The following MYCBP2 variants were observed in gnomAD, a reference collection of about 807,000 sequenced individuals.
The protein encoded by MYCBP2 is E3 ubiquitin-protein ligase MYCBP2.
In MYCBP2, 120 loss-of-function variants were observed where a neutral mutation model predicts 525.3. That is an observed-to-expected ratio of 0.23 (90% CI 0.20 to 0.27). The LOEUF is 0.27. MYCBP2 is among the 10% of genes least tolerant of loss of function. The pLI is 1.00. For missense variants in MYCBP2, 4,149 were observed against 5,657.1 expected, an observed-to-expected ratio of 0.73 and a Z score of 8.55; for synonymous variants, 1,894 against 1,955.8, an observed-to-expected ratio of 0.97 and a Z score of 0.83.
chr13:77,060,948 G>A (rs956879647), intron 76 of MYCBP2, among the ~76,000 whole-genome samples: 4 of 152,058 alleles, frequency 2.6e-5, no homozygotes, highest in Non-Finnish European at 5.9e-5. Flanking sequence ...TGACTTGCTC[G>A]ACACCACACA....
chr13:77,110,697 G>A (rs1161312916), intron 55 of MYCBP2, among the ~76,000 whole-genome samples: 1 of 152,186 alleles, frequency 6.6e-6, no homozygotes, highest in African/African-American at 2.4e-5. Flanking sequence ...CAGAGGCCCA[G>A]CTGTAAAATT....
At chr13:77,191,856 CTCTGTCACAT>C in intron 27 of MYCBP2, 43 bp from the exon 28 acceptor site, 1 of 1,585,406 alleles carries the variant, frequency 6.3e-7, no homozygotes, top group South Asian at 1.1e-5. Flanking sequence ...TTTCTTACTT[CTCTGTCACAT>C]ATATTTATTT....
intron 75 of MYCBP2, 36 bp downstream of exon 75, chr13:77,061,626 G>T (rs1489341587): frequency 3.8e-6 from 6 of 1,597,302 alleles, no homozygotes; most frequent in South Asian, 1.1e-5. Context: ...AAAATTCACT[G>T]AACATATTTT....
intron 2 of MYCBP2, among the ~76,000 whole-genome samples, chr13:77,290,105 A>C (rs1355889885): frequency 6.6e-6 from 1 of 152,206 alleles, no homozygotes; most frequent in Non-Finnish European, 1.5e-5. Flanking sequence ...ATTTACACAA[A>C]GGGTGAATAA....
In MYCBP2 at chr13:77,200,589, G is replaced by T. The variant is rs542558300; in HGVS notation, c.3843+4667C>A. On this transcript the variant is annotated intron_variant, in intron 26 of 82. Coordinates refer to ENST00000544440, the MANE Select transcript of MYCBP2 (RefSeq NM_015057.5). Reference sequence around the variant, plus strand: ...AAGAGCAACTCCAAGGCACATAATTGTCAGATTTACCAAAGTTGAAATGAA... The same window carrying T: ...AAGAGCAACTCCAAGGCACATAATTTTCAGATTTACCAAAGTTGAAATGAA... Among the ~76,000 whole-genome samples the T allele has an allele frequency of 1.5e-3, 224 of 152,276 alleles. 1 individual carries two copies. Among genetic ancestry groups the T allele is most frequent in the African/African-American group, 5.2e-3 (215 of 41,546 alleles).
Position 77,098,956 on chromosome 13 carries a change from T to C in MYCBP2, c.8198A>G (p.Glu2733Gly). ...CGATCTGCTGTGTTTAGAGGACAGC[T>C]CTGATTTTCCTGATGTAGAGGCTGG... is the stretch of plus-strand genomic sequence containing the variant. Reference protein sequence around the residue: ...SKPASTSGKSELSSKHSRSLK... With the variant: ...SKPASTSGKSGLSSKHSRSLK... Residue 2733 changes from glutamate (E) to glycine (G), a missense_variant, in exon 56 of 83, where the codon GAG becomes GGG. By Grantham distance (98) the Glu-to-Gly change is moderately conservative. Around this residue, in one of 21 missense-constraint regions of MYCBP2, gnomAD observed 653 missense variants for 744.7 expected, o/e 0.88. Transcript: ENST00000544440. 6.2e-7 allele frequency: 1 copy of C among 1,612,752 alleles called. No homozygotes were observed. The highest frequency in any genetic ancestry group is 8.5e-7 in the Non-Finnish European group (1 of 1,179,678).
chr13:77,217,480 T>C (rs2064987022), intron 21 of MYCBP2, among the ~76,000 whole-genome samples: 1 of 152,156 alleles, frequency 6.6e-6, no homozygotes, highest in African/African-American at 2.4e-5. Flanking sequence ...GGTTACAAAA[T>C]AGCATAGTTC....
chr13:77,171,079 T>A (rs893941200), intron 38 of MYCBP2, among the ~76,000 whole-genome samples: 1 of 152,024 alleles, frequency 6.6e-6, no homozygotes, highest in African/African-American at 2.4e-5. Context: ...GAGATTCCAA[T>A]GGAAAAACTC....
rs1361431876 is a variant in MYCBP2, at chr13:77,067,801, C to T, written c.12235G>A (p.Gly4079Arg). The T allele has an allele frequency of 6.2e-7, 1 of 1,613,962 alleles. No homozygotes were observed. The highest frequency in any genetic ancestry group is 1.3e-5 in the African/African-American group (1 of 74,888). ...TCTGCTGGGGGGAGGGATTTCACTCCTATGATGCTGGCCAGACGACTAGGG... is the reference window on the plus strand; with the variant it reads ...TCTGCTGGGGGGAGGGATTTCACTCTTATGATGCTGGCCAGACGACTAGGG... ...VTPSRLASIIGVKSLPPADIS... is the reference protein window; with the variant it reads ...VTPSRLASIIRVKSLPPADIS... The change falls in exon 71 of 83, where the codon GGA becomes AGA. Residue 4079 changes from glycine (G) to arginine (R), a missense_variant. Coordinates refer to ENST00000544440, the MANE Select transcript of MYCBP2 (RefSeq NM_015057.5).
chr13:77,326,861 G>C lies in MYCBP2; in HGVS notation c.-86C>G. The C allele has an allele frequency of 7.9e-7, 1 of 1,272,610 alleles. No homozygotes were observed. The highest frequency in any genetic ancestry group is 1.0e-6 in the Non-Finnish European group (1 of 996,382). 78.8% of individuals were successfully genotyped at this position (1,272,610 alleles called of 1,614,324 possible). ...CGCGCACACACAGCCCTTTTCCAAC[G>C]ACGACGGCTCCGGCGGCGGCCTCTG... On this transcript the variant is annotated 5_prime_UTR_variant, in exon 1 of 83. Coordinates refer to ENST00000544440, the MANE Select transcript of MYCBP2 (RefSeq NM_015057.5). This position sits in a 1 kb window ranked among gnomAD's most constrained non-coding sequence, Gnocchi z 4.2.
At position 77,174,499 on chromosome 13, in the gene MYCBP2, A is replaced by G. The variant is rs753321599; in HGVS notation, c.5473-10T>C. ...CATATTTAACATTTTCCTTCATTAT[A>G]AAGATGTAAAACATCTTTTATTCAC... On this transcript the variant is annotated splice_polypyrimidine_tract_variant and intron_variant, in intron 36 of 82. Transcript: ENST00000544440. The G allele has an allele frequency of 6.2e-7, 1 of 1,609,938 alleles. No individual in the cohort carries two copies. Among genetic ancestry groups the G allele is most frequent in the Non-Finnish European group, 8.5e-7 (1 of 1,176,522 alleles).
At chr13:77,267,591 G>A (rs560787193) in intron 8 of MYCBP2, among the ~76,000 whole-genome samples, 11 of 152,202 alleles carry the variant, frequency 7.2e-5, no homozygotes, top group African/African-American at 2.6e-4. Flanking sequence ...GTGGTGGGGT[G>A]AGGTCAGAGA....
chr13:77,121,133 G>GA, intron 55 of MYCBP2: 12 of 260,416 alleles, frequency 4.6e-5, no homozygotes, highest in Non-Finnish European at 5.7e-5. Context: ...TTTTTAAATA[G>GA]AAAAAAAATA....
intron 55 of MYCBP2, chr13:77,099,269 A>G: frequency 4.2e-6 from 2 of 473,310 alleles, no homozygotes; most frequent in Non-Finnish European, 7.5e-6. Context: ...AGTGTGAACT[A>G]TCAGTGATAT....
chr13:77,251,074 G>T, intron 15 of MYCBP2, 77 bp downstream of exon 15: 1 of 1,339,828 alleles, frequency 7.5e-7, no homozygotes, highest in South Asian at 1.3e-5. Flanking sequence ...AATATTAATA[G>T]TAGAGTATAC....
At chr13:77,195,600 A>AT (rs2061685381) in intron 26 of MYCBP2, among the ~76,000 whole-genome samples, 1 of 151,828 alleles carries the variant, frequency 6.6e-6, no homozygotes, top group South Asian at 2.1e-4. Context: ...TTAAAAAAAA[A>AT]TAGTCCGAAA....
chr13:77,148,033 A>G (rs185513559), intron 47 of MYCBP2, among the ~76,000 whole-genome samples: 238 of 152,250 alleles, frequency 1.6e-3, no homozygotes, highest in African/African-American at 5.4e-3. Context: ...AAGCATGTTC[A>G]TAGGAAACTA....
intron 15 of MYCBP2, among the ~76,000 whole-genome samples, chr13:77,248,512 A>G (rs2070483781): frequency 6.6e-6 from 1 of 152,224 alleles, no homozygotes; most frequent in Non-Finnish European, 1.5e-5. Context: ...AAGTATATGG[A>G]AAGATGCTGA....
chr13:77,210,492 C>T (rs1335785421), intron 23 of MYCBP2, among the ~76,000 whole-genome samples: 1 of 152,134 alleles, frequency 6.6e-6, no homozygotes, highest in Non-Finnish European at 1.5e-5. Context: ...GCACCCGGCC[C>T]AGCACCACAA....
Sources: gnomAD v4.1 joint callset for allele counts (sites outside exome capture counted in the v4.1 genomes callset) on GRCh38, gnomAD v4.1.1 for gene constraint, gnomAD v4.1.1 regional missense constraint, Gnocchi (gnomAD v3.1) non-coding constraint, MANE v1.5 for transcripts, NCBI Gene and HGNC (gene_info 2026-07-23, HGNC 2026-07-21) for gene names.